The following CNTN5 variants were observed in gnomAD, a reference collection of about 807,000 sequenced individuals.
CNTN5 encodes the protein contactin 5, also known as contactin-5.
Under a neutral mutation model 129.1 loss-of-function variants are expected in CNTN5, and 77 were observed. The observed-to-expected ratio is 0.60, with a 90% CI of 0.50 to 0.72. CNTN5 has a LOEUF of 0.72. CNTN5 is among the 30% of genes least tolerant of loss of function. CNTN5 has a pLI of 0.00. For missense variants in CNTN5, 1,478 were observed against 1,328.8 expected (o/e 1.11, Z -1.75); for synonymous variants, 509 against 465.6 (o/e 1.09, Z -1.20).
chr11:100,134,024 A>G (rs1191362774), intron 13 of CNTN5, among the ~76,000 whole-genome samples: 1 of 152,184 alleles, frequency 6.6e-6, no homozygotes, highest in Non-Finnish European at 1.5e-5. Context: ...CCAGGATAGA[A>G]ATCAGAAAAG....
At chr11:99,921,940 A>G (rs1992536) in intron 7 of CNTN5, among the ~76,000 whole-genome samples, 140,561 of 152,266 alleles carry the variant, frequency 0.92, 64,933 homozygotes, top group East Asian at 1. Flanking sequence ...ATTAATTTTA[A>G]TGTCTTGCTT....
rs538374545 is a variant in CNTN5 at position 99,841,835 on chromosome 11, T to TACAC, written c.278-3003_278-3000dup. ...GTGTATATATGTGTGTATATATATATACACACACACACACACATATATATA... is the reference window on the plus strand; with the variant it reads ...GTGTATATATGTGTGTATATATATATACACACACACACACACACACATATATATA... On this transcript the variant is annotated intron_variant, in intron 4 of 24. Coordinates refer to ENST00000524871, the MANE Select transcript of CNTN5 (RefSeq NM_014361.4). 6.2e-3 allele frequency among the ~76,000 whole-genome samples: 890 copies of TACAC among 144,204 alleles called. 12 individuals carry two copies. Among genetic ancestry groups the TACAC allele is most frequent in the African/African-American group, 0.02 (794 of 39,210 alleles). 94.6% of individuals were successfully genotyped at this position (144,204 alleles called of 152,430 possible). A position where few individuals can be genotyped will look rare whatever the true frequency, so the allele number is the denominator to read the frequency against.
At chr11:99,616,415 A>G (rs76943278) in intron 3 of CNTN5, among the ~76,000 whole-genome samples, 1,651 of 152,326 alleles carry the variant, frequency 0.011, 34 homozygotes, top group African/African-American at 0.036. Flanking sequence ...TGAGTATATT[A>G]TACCATGTAC....
chr11:99,454,283 G>C (rs971047347), intron 2 of CNTN5, among the ~76,000 whole-genome samples: 2 of 152,048 alleles, frequency 1.3e-5, no homozygotes, highest in African/African-American at 4.8e-5. Context: ...GATATAGTTG[G>C]GCTTTGTGTT....
intron 17 of CNTN5, among the ~76,000 whole-genome samples, chr11:100,268,578 T>A (rs1055031164): frequency 1.3e-5 from 2 of 152,214 alleles, no homozygotes; most frequent in Non-Finnish European, 2.9e-5. Context: ...TGAGAATTGA[T>A]CATTAGTTTT....
intron 21 of CNTN5, chr11:100,309,320 G>C (rs1951422026): frequency 1.0e-6 from 1 of 983,614 alleles, no homozygotes; most frequent in Non-Finnish European, 1.2e-6. Context: ...ATGGTTTCCA[G>C]GCTGAAACAT....
chr11:100,088,751 A>G (rs1944647466), intron 13 of CNTN5, among the ~76,000 whole-genome samples: 4 of 152,042 alleles, frequency 2.6e-5, no homozygotes, highest in Admixed American at 2.6e-4. Flanking sequence ...ATAAAAACCT[A>G]CCAACCAAAA....
chr11:99,483,124 C>T (rs1367561758), intron 2 of CNTN5, among the ~76,000 whole-genome samples: 4 of 132,920 alleles, frequency 3.0e-5, no homozygotes, highest in Non-Finnish European at 6.2e-5. Context: ...TGCAGTGAGC[C>T]GAGATCGCGC....
At chr11:99,593,198 A>G (rs1156775816) in intron 3 of CNTN5, among the ~76,000 whole-genome samples, 1 of 152,138 alleles carries the variant, frequency 6.6e-6, no homozygotes, top group Non-Finnish European at 1.5e-5. Context: ...CCAAATGCAT[A>G]TTTTAGCTGT....
chr11:99,784,057 C>T (rs532407076), intron 3 of CNTN5, among the ~76,000 whole-genome samples: 1 of 152,078 alleles, frequency 6.6e-6, no homozygotes, highest in Non-Finnish European at 1.5e-5. Context: ...AGTCACTACT[C>T]AAATGTATGT....
Position 99,414,788 on chromosome 11 carries a change from G to T in CNTN5, c.-71+89304G>T, listed in dbSNP as rs370665926. ...ATAATCTTGCTATTCTGGAAGAATGGCAAGAAAGTCTTTGTGTCTGTCGTG... is the reference window on the plus strand; with the variant it reads ...ATAATCTTGCTATTCTGGAAGAATGTCAAGAAAGTCTTTGTGTCTGTCGTG... On this transcript the variant is annotated intron_variant, in intron 2 of 24. Coordinates refer to ENST00000524871, the MANE Select transcript of CNTN5 (RefSeq NM_014361.4). Among the ~76,000 whole-genome samples, 7 of 152,222 alleles carry T rather than the reference G, an allele frequency of 4.6e-5. No homozygotes were observed. The East Asian group carries it at 1.2e-3, about 25-fold the overall frequency.
chr11:99,519,377 T>A (rs1399669750), intron 2 of CNTN5, among the ~76,000 whole-genome samples: 1 of 152,080 alleles, frequency 6.6e-6, no homozygotes, highest in African/African-American at 2.4e-5. Flanking sequence ...CAGCACCAAT[T>A]TTACTCATTT....
At chr11:99,310,942 T>A (rs903760171) in intron 1 of CNTN5, among the ~76,000 whole-genome samples, 64 of 152,296 alleles carry the variant, frequency 4.2e-4, no homozygotes, top group African/African-American at 1.5e-3. Flanking sequence ...TTTATTATTT[T>A]TTTTTTTGAG....
rs60752155 is a variant in CNTN5, at chr11:99,891,332, T to TTTATTA, written c.578-24711_578-24706dup. 2.0e-5 allele frequency among the ~76,000 whole-genome samples: 3 copies of TTTATTA among 151,766 alleles called. No individual in the cohort carries two copies. The South Asian group carries it at 6.3e-4, about 32-fold the overall frequency. The stretch of plus-strand genomic sequence containing the variant: ...TTATTTTTTGATGTCCCAATATCTT[T>TTTATTA]TTATTATTATTATTATATTTTAAGT... On this transcript the variant is annotated intron_variant, in intron 6 of 24. Coordinates refer to ENST00000524871, the MANE Select transcript of CNTN5 (RefSeq NM_014361.4).
chr11:100,009,661 G>A (rs1940408039), intron 9 of CNTN5, among the ~76,000 whole-genome samples: 1 of 152,124 alleles, frequency 6.6e-6, no homozygotes, highest in Admixed American at 6.6e-5. Flanking sequence ...AGGGAAACTG[G>A]GTTATCAGGA....
At chr11:100,161,844 C>T (rs112115058) in intron 13 of CNTN5, among the ~76,000 whole-genome samples, 24 of 145,976 alleles carry the variant, frequency 1.6e-4, no homozygotes, top group African/African-American at 4.8e-4. Flanking sequence ...CACACACACA[C>T]ACACACACAC....
At chr11:99,593,905 G>A (rs1426254959) in intron 3 of CNTN5, among the ~76,000 whole-genome samples, 1 of 152,166 alleles carries the variant, frequency 6.6e-6, no homozygotes, top group Non-Finnish European at 1.5e-5. Context: ...ACTGGAATGT[G>A]CCAATTATCT....
chr11:99,170,730 T>C (rs990289405), intron 1 of CNTN5, among the ~76,000 whole-genome samples: 1 of 152,180 alleles, frequency 6.6e-6, no homozygotes, highest in Admixed American at 6.5e-5. Flanking sequence ...GCATATTCAA[T>C]TTTATTTTAC....
At chr11:99,638,154 G>T (rs2135829194) in intron 3 of CNTN5, among the ~76,000 whole-genome samples, 1 of 152,212 alleles carries the variant, frequency 6.6e-6, no homozygotes, top group South Asian at 2.1e-4. Flanking sequence ...GGAGGTGAAA[G>T]GTTCTTTGTA....
Sources: allele counts gnomAD v4.1 joint callset (sites outside exome capture counted in the v4.1 genomes callset), GRCh38; gene constraint gnomAD v4.1.1; transcripts MANE v1.5; gene names NCBI Gene and HGNC (gene_info 2026-07-23, HGNC 2026-07-21).